The following CAB39 variants were observed in gnomAD, a reference collection of about 807,000 sequenced individuals.
CAB39 encodes the protein calcium-binding protein 39.
A neutral mutation model predicts 40.0 loss-of-function variants in CAB39; 8 were observed. That is an observed-to-expected ratio of 0.20 (90% CI 0.12 to 0.36). CAB39 has a LOEUF of 0.36. Among genes scored for constraint, CAB39 ranks in the 10% least tolerant of loss-of-function variants. The probability of loss-of-function intolerance (pLI) is 1.00; values close to 1 mark genes in which losing one functional copy is unlikely to be tolerated. For missense variants in CAB39, 270 were observed against 401.1 expected, an observed-to-expected ratio of 0.67 and a Z score of 2.79; for synonymous variants, 156 against 141.6, an observed-to-expected ratio of 1.10 and a Z score of -0.72.
chr2:230,754,415 C>T (rs964992829), intron 1 of CAB39, among the ~76,000 whole-genome samples: 9 of 144,254 alleles, frequency 6.2e-5, no homozygotes, highest in Admixed American at 6.2e-4. Flanking sequence ...CTCCTTCTTC[C>T]CCTTTCCCTC....
chr2:230,786,666 C>A (rs1384266069), intron 2 of CAB39, among the ~76,000 whole-genome samples: 1 of 152,154 alleles, frequency 6.6e-6, no homozygotes, highest in Non-Finnish European at 1.5e-5. Context: ...AAACTTTGAT[C>A]TAACCAGAGA....
At chr2:230,767,060 T>G (rs1695399059) in intron 2 of CAB39, among the ~76,000 whole-genome samples, 1 of 152,214 alleles carries the variant, frequency 6.6e-6, no homozygotes, top group African/African-American at 2.4e-5. Flanking sequence ...TTATTAGAAG[T>G]AAATATGGAA....
chr2:230,785,372 C>T (rs565957527), intron 2 of CAB39, among the ~76,000 whole-genome samples: 8 of 80,958 alleles, frequency 9.9e-5, no homozygotes, highest in African/African-American at 2.0e-4. Flanking sequence ...TGGGCAGGGG[C>T]GCGTGGGCAG....
chr2:230,726,103 A>G (rs1369668792), intron 1 of CAB39, among the ~76,000 whole-genome samples: 1 of 152,158 alleles, frequency 6.6e-6, no homozygotes. Flanking sequence ...TAAATTGCAC[A>G]ATTTAAATTG....
chr2:230,720,808 TATC>T (rs1694436854), intron 1 of CAB39, among the ~76,000 whole-genome samples: 1 of 152,200 alleles, frequency 6.6e-6, no homozygotes, highest in South Asian at 2.1e-4. Flanking sequence ...TTTGATGGCA[TATC>T]ATCAGCCAGC....
rs746016011 is a variant in CAB39 at position 230,735,217 on chromosome 2, A to AGTGCAGTG, written c.-44+21995_-44+22002dup. On this transcript the variant is annotated intron_variant, in intron 1 of 8. Transcript: ENST00000258418. Reference sequence around the variant, plus strand: ...GTTGTCGCTCTGTCACCCAGGCTGGAGTGCAGTGGTGCAGTCTCGGCTCAC... The same window carrying AGTGCAGTG: ...GTTGTCGCTCTGTCACCCAGGCTGGAGTGCAGTGGTGCAGTGGTGCAGTCTCGGCTCAC... Among the ~76,000 whole-genome samples, 87 of 152,042 alleles carry AGTGCAGTG rather than the reference A, an allele frequency of 5.7e-4. 1 individual carries two copies. Among genetic ancestry groups the AGTGCAGTG allele is most frequent in the Non-Finnish European group, 9.6e-4 (65 of 67,988 alleles).
intron 2 of CAB39, among the ~76,000 whole-genome samples, chr2:230,776,676 T>C (rs964165386): frequency 2.1e-5 from 3 of 146,288 alleles, no homozygotes; most frequent in Non-Finnish European, 1.5e-5. Flanking sequence ...AGGTGCTCTG[T>C]CTCACTTCAT....
At chr2:230,781,509 G>A (rs1390446028) in intron 2 of CAB39, among the ~76,000 whole-genome samples, 1 of 152,240 alleles carries the variant, frequency 6.6e-6, no homozygotes, top group Non-Finnish European at 1.5e-5. Context: ...TTAAGATTAT[G>A]TAGGGGAGCC....
intron 7 of CAB39, among the ~76,000 whole-genome samples, chr2:230,816,581 C>G (rs1030846227): frequency 2.0e-5 from 3 of 152,206 alleles, no homozygotes; most frequent in Non-Finnish European, 2.9e-5. Flanking sequence ...TACCTGGAAA[C>G]TTCAAGTATC....
chr2:230,788,515 G>T (rs1011991139), intron 2 of CAB39, among the ~76,000 whole-genome samples: 1 of 151,992 alleles, frequency 6.6e-6, no homozygotes. Flanking sequence ...TGTCTTCATT[G>T]CTTTTCATTT....
rs142132045 is a variant in CAB39, at chr2:230,769,704, C to T, written c.114+9589C>T. On this transcript the variant is annotated intron_variant, in intron 2 of 8. Transcript: ENST00000258418. ...TATTAGAAAGTAGTTTGAGGCTGGA[C>T]ATAGTGGCTCATGCCTGTCATCTTA... Among the ~76,000 whole-genome samples the T allele has an allele frequency of 2.3e-3, 351 of 152,006 alleles. 1 individual carries two copies. Among genetic ancestry groups the T allele is most frequent in the African/African-American group, 8.2e-3 (341 of 41,434 alleles).
At chr2:230,733,851 G>A (rs1694738411) in intron 1 of CAB39, among the ~76,000 whole-genome samples, 1 of 152,122 alleles carries the variant, frequency 6.6e-6, no homozygotes, top group Admixed American at 6.5e-5. Flanking sequence ...GATAGCCAGG[G>A]GAAAAATTAC....
chr2:230,775,750 C>G (rs981261144), intron 2 of CAB39, among the ~76,000 whole-genome samples: 1 of 152,136 alleles, frequency 6.6e-6, no homozygotes, highest in African/African-American at 2.4e-5. Context: ...GCATCATTAT[C>G]TCTTGCAAGA....
intron 1 of CAB39, among the ~76,000 whole-genome samples, chr2:230,749,992 G>C (rs995534083): frequency 6.6e-6 from 1 of 152,110 alleles, no homozygotes; most frequent in African/African-American, 2.4e-5. Context: ...GAACAAACTA[G>C]CCAATAATTT....
chr2:230,726,718 G>T (rs900740954), intron 1 of CAB39, among the ~76,000 whole-genome samples: 11 of 151,836 alleles, frequency 7.2e-5, no homozygotes, highest in Non-Finnish European at 1.6e-4. Context: ...CTTTAAGATT[G>T]TTGCTAACCT....
intron 4 of CAB39, among the ~76,000 whole-genome samples, chr2:230,795,839 A>G (rs776199796): frequency 1.2e-4 from 19 of 152,052 alleles, no homozygotes; most frequent in Non-Finnish European, 2.1e-4. Context: ...TAGTATAATC[A>G]GGTATTTTTT....
intron 5 of CAB39, among the ~76,000 whole-genome samples, chr2:230,800,210 A>G (rs1318838152): frequency 6.6e-6 from 1 of 152,108 alleles, no homozygotes; most frequent in African/African-American, 2.4e-5. Context: ...TGGGTGAAAT[A>G]TGTCCCACCT....
At position 230,738,423 on chromosome 2, in the gene CAB39, C is replaced by G. The variant is rs1043690009; in HGVS notation, c.-43-21536C>G. Reference sequence around the variant, plus strand: ...GGCAAATGAGGTTTGGTTACTTCCTCTGAAGTTCAGTGTTGTTTAGCCTCA... The same window carrying G: ...GGCAAATGAGGTTTGGTTACTTCCTGTGAAGTTCAGTGTTGTTTAGCCTCA... On this transcript the variant is annotated intron_variant, in intron 1 of 8. Transcript: ENST00000258418. 2.6e-5 allele frequency among the ~76,000 whole-genome samples: 4 copies of G among 152,196 alleles called. No homozygotes were observed. In the East Asian group the frequency reaches 7.7e-4, roughly 29 times the overall value.
At chr2:230,741,633 C>G (rs1040027621) in intron 1 of CAB39, among the ~76,000 whole-genome samples, 2 of 152,074 alleles carry the variant, frequency 1.3e-5, no homozygotes, top group Non-Finnish European at 2.9e-5. Flanking sequence ...CCATGCCCAA[C>G]TCTAGGAATG....
Sources: allele counts gnomAD v4.1 joint callset (sites outside exome capture counted in the v4.1 genomes callset), GRCh38; gene constraint gnomAD v4.1.1; transcripts MANE v1.5; gene names NCBI Gene and HGNC (gene_info 2026-07-23, HGNC 2026-07-21).